EPB41L4B: variants seen among roughly 807,000 people sequenced by gnomAD.
EPB41L4B encodes band 4.1-like protein 4B.
EPB41L4B carries 30 observed loss-of-function variants against 112.5 expected under a neutral mutation model. That is an observed-to-expected ratio of 0.27 (90% CI 0.20 to 0.36). The LOEUF (loss-of-function observed/expected upper bound fraction) is 0.36, where lower values mean the gene tolerates loss of function less well. Ranked by LOEUF, EPB41L4B falls within the 10% of genes least tolerant of loss-of-function variation. EPB41L4B has a pLI of 1.00. For synonymous variants in EPB41L4B, 408 were observed against 439.7 expected, an observed-to-expected ratio of 0.93 and a Z score of 0.90; for missense variants, 1,024 against 1,133.3, an observed-to-expected ratio of 0.90 and a Z score of 1.38.
chr9:109,273,088 C>T, intron 2 of EPB41L4B, among the ~76,000 whole-genome samples: 1 of 152,126 alleles, frequency 6.6e-6, no homozygotes, highest in East Asian at 1.9e-4. Flanking sequence ...CACCAGCTAC[C>T]TGCTGGTGTG....
In EPB41L4B at chr9:109,235,183, A is replaced by G. The variant is rs1834095788; in HGVS notation, c.1409+8435T>C. On this transcript the variant is annotated intron_variant, in intron 15 of 25. Coordinates refer to ENST00000374566, the MANE Select transcript of EPB41L4B (RefSeq NM_019114.5). ...CCTAGTATTCTCGGACAGAAATATCATTTCTATTTCTTTTTTCTTTCCTCA... is the reference window on the plus strand; with the variant it reads ...CCTAGTATTCTCGGACAGAAATATCGTTTCTATTTCTTTTTTCTTTCCTCA... Among the ~76,000 whole-genome samples the G allele has an allele frequency of 2.0e-5, 3 of 152,000 alleles. No homozygotes were observed. In the South Asian group the frequency reaches 6.2e-4, roughly 32 times the overall value.
At chr9:109,185,393 G>A in intron 23 of EPB41L4B, 96 bp downstream of exon 23, 1 of 1,014,260 alleles carries the variant, frequency 9.9e-7, no homozygotes, top group Non-Finnish European at 1.5e-6. Flanking sequence ...CGAGATCTGG[G>A]GCTTCTGCAC....
rs1441486968 is a variant in EPB41L4B, at chr9:109,174,479, G to C, written c.*75C>G. ...GCACACACTTGTATGCTGTGCTAGA[G>C]TGAGCACACAAAGCCCGAAGAAAGA... On this transcript the variant is annotated 3_prime_UTR_variant, in exon 26 of 26. Coordinates refer to ENST00000374566, the MANE Select transcript of EPB41L4B (RefSeq NM_019114.5). 7.4e-7 allele frequency: 1 copy of C among 1,359,650 alleles called. No individual in the cohort carries two copies. Among genetic ancestry groups the C allele is most frequent in the Non-Finnish European group, 1.1e-6 (1 of 948,350 alleles). The allele number at this position is 1,359,650 out of a possible 1,614,324, so 84.2% of individuals were successfully genotyped here.
chr9:109,232,475 T>C (rs1408483942), intron 15 of EPB41L4B, among the ~76,000 whole-genome samples: 1 of 152,180 alleles, frequency 6.6e-6, no homozygotes, highest in African/African-American at 2.4e-5. Context: ...AAATAATCAT[T>C]GTCACGAAAG....
intron 8 of EPB41L4B, 73 bp downstream of exon 8, chr9:109,256,320 T>C: frequency 6.3e-7 from 1 of 1,594,074 alleles, no homozygotes; most frequent in Non-Finnish European, 8.6e-7. Flanking sequence ...CCACAAGTTA[T>C]TTTGTTTGCA....
intron 20 of EPB41L4B, among the ~76,000 whole-genome samples, chr9:109,198,951 C>T (rs1405457983): frequency 6.6e-6 from 1 of 150,982 alleles, no homozygotes; most frequent in Non-Finnish European, 1.5e-5. Flanking sequence ...AAGGGAAATA[C>T]CATTGTGATC....
chr9:109,241,832 G>A (rs770559984), intron 15 of EPB41L4B: 2 of 1,613,168 alleles, frequency 1.2e-6, no homozygotes, highest in African/African-American at 1.3e-5. Context: ...CAGAGCGAAT[G>A]GTTAGTGGGA....
At chr9:109,278,363 T>G (rs1835914454) in intron 2 of EPB41L4B, among the ~76,000 whole-genome samples, 1 of 152,096 alleles carries the variant, frequency 6.6e-6, no homozygotes, top group Admixed American at 6.5e-5. Context: ...GGACATCCAG[T>G]GGGAGTGTCC....
intron 15 of EPB41L4B, among the ~76,000 whole-genome samples, chr9:109,239,297 A>T (rs752902439): frequency 6.6e-6 from 1 of 152,180 alleles, no homozygotes; most frequent in Non-Finnish European, 1.5e-5. Context: ...TGTGGGTAAA[A>T]AAGGGAATTC....
chr9:109,264,976 T>C lies in EPB41L4B; in HGVS notation c.578+4A>G. ...GTTAAGAGTTAGAACAAAAACATACTTACTTTCCAGAAAGAATGTCATGCC... is the reference window on the plus strand; with the variant it reads ...GTTAAGAGTTAGAACAAAAACATACCTACTTTCCAGAAAGAATGTCATGCC... On this transcript the variant is annotated splice_donor_region_variant and intron_variant, in intron 5 of 25. Coordinates refer to ENST00000374566, the MANE Select transcript of EPB41L4B (RefSeq NM_019114.5). 1 of 1,605,250 alleles carries C rather than the reference T, an allele frequency of 6.2e-7. No homozygotes were observed. The highest frequency in any genetic ancestry group is 8.5e-7 in the Non-Finnish European group (1 of 1,177,558).
At chr9:109,175,468 AACACACACAC>A (rs59210551) in intron 25 of EPB41L4B, among the ~76,000 whole-genome samples, 3,628 of 129,390 alleles carry the variant, frequency 0.028, 159 homozygotes, top group African/African-American at 0.1. Flanking sequence ...CCACTGTTTA[AACACACACAC>A]ACACACACAC....
rs926701116 is a variant in EPB41L4B, at chr9:109,172,339, G to A, written c.*2215C>T. The A allele has an allele frequency of 6.6e-6, 1 of 152,214 alleles. No individual in the cohort carries two copies. Among genetic ancestry groups the A allele is most frequent in the Non-Finnish European group, 1.5e-5 (1 of 68,060 alleles). The allele number at this position is 152,214 out of a possible 1,614,324, so 9.4% of individuals were successfully genotyped here. A position where few individuals can be genotyped will look rare whatever the true frequency, so the allele number is the denominator to read the frequency against. The stretch of plus-strand genomic sequence containing the variant: ...CAGGTTAGAAGAGGAAGAGGGTGCT[G>A]GGTTGGCAAGAAGTGACAGCCCCAT... On this transcript the variant is annotated 3_prime_UTR_variant, in exon 26 of 26. Coordinates refer to ENST00000374566, the MANE Select transcript of EPB41L4B (RefSeq NM_019114.5).
intron 1 of EPB41L4B, among the ~76,000 whole-genome samples, chr9:109,317,089 A>G (rs1485238495): frequency 6.6e-6 from 1 of 152,162 alleles, no homozygotes; most frequent in Non-Finnish European, 1.5e-5. Context: ...TGGGTGACAG[A>G]TGAGACCCCA....
At chr9:109,293,161 G>A (rs972948558) in intron 1 of EPB41L4B, among the ~76,000 whole-genome samples, 8 of 152,202 alleles carry the variant, frequency 5.3e-5, no homozygotes, top group Non-Finnish European at 1.2e-4. Context: ...TAAGCACTGG[G>A]GGAGTGTGTT....
At position 109,200,314 on chromosome 9, in the gene EPB41L4B, A is replaced by T; in HGVS notation, c.1967T>A (p.Val656Glu). Residue 656 changes from valine to glutamate, a missense_variant, in exon 20 of 26, where the codon GTG becomes GAG. Physicochemically the swap from Val to Glu is moderately radical, Grantham distance 121. Coordinates refer to ENST00000374566, the MANE Select transcript of EPB41L4B (RefSeq NM_019114.5). ...TTCCACAGCTGGCTGGGCAGTTTCCACACGAATAGGAATAGGACTTCTAGA... is the reference window on the plus strand; with the variant it reads ...TTCCACAGCTGGCTGGGCAGTTTCCTCACGAATAGGAATAGGACTTCTAGA... ...ASVRSPIPIRVETAQPAVEKP... is the reference protein window; with the variant it reads ...ASVRSPIPIREETAQPAVEKP... 1.2e-6 allele frequency: 2 copies of T among 1,614,126 alleles called. No individual in the cohort carries two copies. The highest frequency in any genetic ancestry group is 1.7e-6 in the Non-Finnish European group (2 of 1,179,994).
intron 22 of EPB41L4B, among the ~76,000 whole-genome samples, chr9:109,189,860 C>G (rs1832399729): frequency 2.0e-5 from 3 of 152,108 alleles, no homozygotes; most frequent in Admixed American, 2.0e-4. Flanking sequence ...AACTCCTGAC[C>G]TCAGGTGATC....
At chr9:109,246,008 C>T (rs1261871350) in intron 14 of EPB41L4B, among the ~76,000 whole-genome samples, 1 of 152,210 alleles carries the variant, frequency 6.6e-6, no homozygotes, top group East Asian at 1.9e-4. Context: ...ATTTTTCTCT[C>T]CTTCAAGCAC....
chr9:109,215,235 A>G (rs775037771), intron 16 of EPB41L4B, among the ~76,000 whole-genome samples: 2 of 152,148 alleles, frequency 1.3e-5, no homozygotes, highest in Non-Finnish European at 2.9e-5. Flanking sequence ...ACTCAGTTCA[A>G]GGGTAAGAGC....
intron 2 of EPB41L4B, among the ~76,000 whole-genome samples, chr9:109,276,186 CACACACACACACA>C: frequency 7.1e-6 from 1 of 140,786 alleles, no homozygotes; most frequent in East Asian, 2.0e-4. Context: ...CACACACACA[CACACACACACACA>C]CACAAATAAC....
Sources: allele counts gnomAD v4.1 joint callset (sites outside exome capture counted in the v4.1 genomes callset), GRCh38; gene constraint gnomAD v4.1.1; transcripts MANE v1.5; gene names NCBI Gene and HGNC (gene_info 2026-07-23, HGNC 2026-07-21).